Variants in SDK1 observed in about 807,000 individuals in gnomAD.
SDK1 encodes the protein protein sidekick-1.
SDK1 carries 157 observed loss-of-function variants against 245.5 expected under a neutral mutation model. That is an observed-to-expected ratio of 0.64 (90% CI 0.56 to 0.73). The LOEUF (loss-of-function observed/expected upper bound fraction) is 0.73, where lower values mean the gene tolerates loss of function less well. Among genes scored for constraint, SDK1 ranks in the 30% least tolerant of loss-of-function variants. SDK1 has a pLI of 0.00. For synonymous variants in SDK1, 1,647 were observed against 1,278.5 expected, an observed-to-expected ratio of 1.29 and a Z score of -6.15; for missense variants, 3,583 against 3,002.3, an observed-to-expected ratio of 1.19 and a Z score of -4.52.
At chr7:4,121,505 CCCTTCA>C (rs1476756056) in intron 25 of SDK1, among the ~76,000 whole-genome samples, 6 of 152,160 alleles carry the variant, frequency 3.9e-5, no homozygotes, top group African/African-American at 1.2e-4. Flanking sequence ...TCCTTGCTTC[CCCTTCA>C]CCTTCCATCA....
intron 35 of SDK1, among the ~76,000 whole-genome samples, chr7:4,193,238 A>C (rs1783330505): frequency 7.5e-6 from 1 of 133,372 alleles, no homozygotes; most frequent in Non-Finnish European, 1.5e-5. Flanking sequence ...AATTGTATAA[A>C]TATACAATAT....
At chr7:3,819,776 G>C (rs1779597322) in intron 4 of SDK1, among the ~76,000 whole-genome samples, 1 of 152,076 alleles carries the variant, frequency 6.6e-6, no homozygotes, top group Non-Finnish European at 1.5e-5. Flanking sequence ...TGGGAACCCT[G>C]AATAAGCAAT....
At chr7:3,510,675 G>T (rs1478217578) in intron 1 of SDK1, among the ~76,000 whole-genome samples, 2 of 151,994 alleles carry the variant, frequency 1.3e-5, no homozygotes, top group Non-Finnish European at 2.9e-5. Context: ...TAGCAAAGGT[G>T]GTCTTATTAT....
chr7:3,354,795 T>G (rs1365934151), intron 1 of SDK1, among the ~76,000 whole-genome samples: 1 of 152,240 alleles, frequency 6.6e-6, no homozygotes, highest in African/African-American at 2.4e-5. Context: ...TTGACTAGAT[T>G]ATGCTTGAAT....
chr7:3,726,776 G>GT (rs1408513203), intron 4 of SDK1, among the ~76,000 whole-genome samples: 1 of 152,144 alleles, frequency 6.6e-6, no homozygotes, highest in Non-Finnish European at 1.5e-5. Flanking sequence ...CTGCAGAAGG[G>GT]TGTCCAAACT....
intron 1 of SDK1, among the ~76,000 whole-genome samples, chr7:3,429,405 T>C (rs1019305074): frequency 4.6e-5 from 7 of 152,174 alleles, no homozygotes; most frequent in Non-Finnish European, 1.5e-5. Flanking sequence ...TTTTGTTGTT[T>C]TTAATCCAGG....
At chr7:4,226,780 C>G (rs928490192) in intron 40 of SDK1, among the ~76,000 whole-genome samples, 4 of 152,186 alleles carry the variant, frequency 2.6e-5, no homozygotes, top group East Asian at 1.9e-4. Flanking sequence ...ACAGATTATT[C>G]TAAGGCATTT....
intron 3 of SDK1, among the ~76,000 whole-genome samples, chr7:3,639,761 A>G (rs116591897): frequency 0.028 from 4,285 of 152,192 alleles, 199 homozygotes; most frequent in African/African-American, 0.099. Flanking sequence ...AAGAGTAAAA[A>G]TGGACTGTCT....
intron 1 of SDK1, among the ~76,000 whole-genome samples, chr7:3,429,198 A>G (rs1779760831): frequency 6.6e-6 from 1 of 150,498 alleles, no homozygotes; most frequent in Non-Finnish European, 1.5e-5. Flanking sequence ...CTAAAATAAT[A>G]CTCAGTTGTG....
intron 1 of SDK1, among the ~76,000 whole-genome samples, chr7:3,443,805 A>G (rs1349329580): frequency 3.3e-5 from 5 of 152,190 alleles, no homozygotes; most frequent in East Asian, 3.8e-4. Context: ...TTATAAATGT[A>G]TTGTCATCAG....
At chr7:4,174,069 T>C (rs1043671274) in intron 32 of SDK1, among the ~76,000 whole-genome samples, 153 bp from the exon 33 acceptor site, 5 of 152,214 alleles carry the variant, frequency 3.3e-5, no homozygotes, top group African/African-American at 9.6e-5. Context: ...GGGAGCTGCC[T>C]GGGTTCGTCT....
intron 1 of SDK1, among the ~76,000 whole-genome samples, chr7:3,374,729 C>T (rs1781311399): frequency 6.6e-6 from 1 of 152,150 alleles, no homozygotes; most frequent in South Asian, 2.1e-4. Flanking sequence ...CACACCCCCA[C>T]ACCCCCGGTC....
intron 5 of SDK1, among the ~76,000 whole-genome samples, chr7:3,883,503 G>T (rs760196154): frequency 6.6e-6 from 1 of 152,128 alleles, no homozygotes; most frequent in African/African-American, 2.4e-5. Flanking sequence ...AAAAAATCAC[G>T]TCGTTGCCAA....
At chr7:4,013,019 G>T (rs1786113842) in intron 16 of SDK1, among the ~76,000 whole-genome samples, 1 of 152,184 alleles carries the variant, frequency 6.6e-6, no homozygotes, top group Admixed American at 6.5e-5. Context: ...GCTATTTCCA[G>T]AAATCCAAAG....
Position 3,992,157 on chromosome 7 carries a change from G to A in SDK1, c.2131+4835G>A, listed in dbSNP as rs371006734. 3.4e-4 allele frequency among the ~76,000 whole-genome samples: 52 copies of A among 152,350 alleles called. 1 individual carries two copies. In the Middle Eastern group the frequency reaches 0.027, roughly 80 times the overall value. ...GCAGGGGCCAAACCCACATGGTTTA[G>A]TGGCCGAGGCAGGCACTTGATAGCC... On this transcript the variant is annotated intron_variant, in intron 14 of 44. Coordinates refer to ENST00000404826, the MANE Select transcript of SDK1 (RefSeq NM_152744.4).
chr7:3,962,572 G>A, intron 8 of SDK1, 85 bp from the exon 9 acceptor site: 1 of 1,160,212 alleles, frequency 8.6e-7, no homozygotes, highest in Non-Finnish European at 1.2e-6. Flanking sequence ...TAAAATATTG[G>A]CATTCTAGCC....
intron 1 of SDK1, among the ~76,000 whole-genome samples, chr7:3,531,566 G>T (rs1350735732): frequency 6.6e-6 from 1 of 152,110 alleles, no homozygotes; most frequent in Non-Finnish European, 1.5e-5. Context: ...TTAAATTTGT[G>T]CCACTACCTA....
In SDK1 at chr7:3,427,386, G is replaced by A. The variant is rs1270949531; in HGVS notation, c.298+125502G>A. Among the ~76,000 whole-genome samples, 4 of 152,020 alleles carry A rather than the reference G, an allele frequency of 2.6e-5. 1 individual carries two copies. The highest frequency in any genetic ancestry group is 9.7e-5 in the African/African-American group (4 of 41,396). On this transcript the variant is annotated intron_variant, in intron 1 of 44. Transcript: ENST00000404826. The stretch of plus-strand genomic sequence containing the variant: ...ATGCAAAAATTGGCTGGGTGTGGTG[G>A]CGGGCACCTGTAAATCCAGCTACTT...
intron 1 of SDK1, among the ~76,000 whole-genome samples, chr7:3,564,740 G>C (rs1779854306): frequency 6.6e-6 from 1 of 152,066 alleles, no homozygotes; most frequent in Non-Finnish European, 1.5e-5. Context: ...CTCCCAGAAA[G>C]CACCTGAGAG....
Sources: allele counts gnomAD v4.1 joint callset (sites outside exome capture counted in the v4.1 genomes callset), GRCh38; gene constraint gnomAD v4.1.1; transcripts MANE v1.5; gene names NCBI Gene and HGNC (gene_info 2026-07-23, HGNC 2026-07-21).